PRKN: variants seen among roughly 807,000 people sequenced by gnomAD.
PRKN encodes E3 ubiquitin-protein ligase parkin.
PRKN carries 56 observed loss-of-function variants against 59.5 expected under a neutral mutation model. That is an observed-to-expected ratio of 0.94 (90% CI 0.76 to 1.18). PRKN has a LOEUF of 1.18. Among genes scored for constraint, PRKN ranks in the 50% most tolerant of loss-of-function variants. PRKN has a pLI of 0.00. For missense variants in PRKN, 657 were observed against 596.4 expected (o/e 1.10, Z -1.06); for synonymous variants, 250 against 222.1 (o/e 1.13, Z -1.12).
intron 3 of PRKN, among the ~76,000 whole-genome samples, chr6:162,247,188 A>T (rs1779235468): frequency 6.6e-6 from 1 of 152,170 alleles, no homozygotes; most frequent in Non-Finnish European, 1.5e-5. Context: ...TTCTTTGTGA[A>T]ATCAAAGATC....
intron 5 of PRKN, among the ~76,000 whole-genome samples, chr6:161,996,685 C>A (rs1473830881): frequency 2.0e-5 from 3 of 151,850 alleles, no homozygotes; most frequent in Non-Finnish European, 4.4e-5. Context: ...TATTTCAATA[C>A]TTTTATATTT....
chr6:161,981,768 T>A (rs1041598756), intron 5 of PRKN, among the ~76,000 whole-genome samples: 1 of 152,210 alleles, frequency 6.6e-6, no homozygotes, highest in African/African-American at 2.4e-5. Flanking sequence ...ATATAATAAA[T>A]GTACACTTTG....
chr6:161,939,967 C>T (rs553857353), intron 6 of PRKN, among the ~76,000 whole-genome samples: 136 of 151,670 alleles, frequency 9.0e-4, no homozygotes, highest in African/African-American at 3.1e-3. Context: ...GGCGCCATCT[C>T]GGCTCACCGC....
intron 2 of PRKN, among the ~76,000 whole-genome samples, chr6:162,368,186 GAACAGGGAATCACTCT>G (rs1386027591): frequency 1.3e-5 from 2 of 152,168 alleles, no homozygotes; most frequent in East Asian, 3.9e-4. Flanking sequence ...AGGGTTGGGA[GAACAGGGAATCACTCT>G]CACACCCAAG....
At chr6:162,386,346 T>C (rs1321952738) in intron 2 of PRKN, among the ~76,000 whole-genome samples, 2 of 152,248 alleles carry the variant, frequency 1.3e-5, no homozygotes, top group Non-Finnish European at 2.9e-5. Flanking sequence ...AGTTTAAAAG[T>C]ATATTTATAC....
intron 6 of PRKN, among the ~76,000 whole-genome samples, chr6:161,874,815 T>C (rs1794624471): frequency 9.5e-6 from 1 of 105,724 alleles, no homozygotes. Flanking sequence ...ATATATAAAA[T>C]GTATAATATA....
intron 9 of PRKN, among the ~76,000 whole-genome samples, chr6:161,392,400 G>T (rs1437667937): frequency 6.6e-6 from 1 of 151,522 alleles, no homozygotes; most frequent in Non-Finnish European, 1.5e-5. Context: ...AAAAGAAAAA[G>T]AAAAAATTTA....
chr6:162,284,428 T>G (rs572182503), intron 2 of PRKN, among the ~76,000 whole-genome samples: 1 of 152,104 alleles, frequency 6.6e-6, no homozygotes, highest in South Asian at 2.1e-4. Flanking sequence ...TTCTCCATGT[T>G]GGTCAGGCTG....
rs554534551 is a variant in PRKN at position 161,579,283 on chromosome 6, A to C, written c.872-9867T>G. Among the ~76,000 whole-genome samples the C allele has an allele frequency of 6.6e-6, 1 of 152,314 alleles. No individual in the cohort carries two copies. The highest frequency in any genetic ancestry group is 2.4e-5 in the African/African-American group (1 of 41,566). On this transcript the variant is annotated intron_variant, in intron 7 of 11. Coordinates refer to ENST00000366898, the MANE Select transcript of PRKN (RefSeq NM_004562.3). The surrounding 1 kb of genome is among the most constrained non-coding windows in gnomAD (Gnocchi z 4.2). ...AGAATCTGTGGGACTGTCATCCCCC[A>C]AGTGGGTGTAACCAAAAAGGGCACT...
At chr6:162,305,843 TATAG>T (rs1562656109) in intron 2 of PRKN, among the ~76,000 whole-genome samples, 1 of 152,130 alleles carries the variant, frequency 6.6e-6, no homozygotes, top group Non-Finnish European at 1.5e-5. Flanking sequence ...ACATTTATCA[TATAG>T]ATACACCTAT....
chr6:162,493,580 T>C (rs951480746), intron 1 of PRKN, among the ~76,000 whole-genome samples: 2 of 152,176 alleles, frequency 1.3e-5, no homozygotes, highest in African/African-American at 4.8e-5. Context: ...ATAATCAGCT[T>C]ATAACTAAGA....
intron 3 of PRKN, among the ~76,000 whole-genome samples, chr6:162,250,843 A>G (rs1779404212): frequency 6.6e-6 from 1 of 152,086 alleles, no homozygotes; most frequent in Admixed American, 6.6e-5. Flanking sequence ...TTAATTATCA[A>G]TTTCCTGAGT....
chr6:162,711,838 C>A (rs1305633418), intron 1 of PRKN, among the ~76,000 whole-genome samples: 1 of 152,188 alleles, frequency 6.6e-6, no homozygotes, highest in East Asian at 1.9e-4. Flanking sequence ...CCAAGAGGGG[C>A]AAGTCATTGC....
At chr6:162,038,218 A>C (rs1783921768) in intron 5 of PRKN, among the ~76,000 whole-genome samples, 1 of 152,086 alleles carries the variant, frequency 6.6e-6, no homozygotes. Context: ...TTTGGTACAA[A>C]GTTATTGTCA....
chr6:162,174,141 T>G (rs1438295063), intron 4 of PRKN, among the ~76,000 whole-genome samples: 1 of 152,156 alleles, frequency 6.6e-6, no homozygotes, highest in Non-Finnish European at 1.5e-5. Context: ...TGTATACAGT[T>G]TAAAGGTAGA....
intron 6 of PRKN, among the ~76,000 whole-genome samples, chr6:161,839,261 G>A (rs1792885747): frequency 6.6e-6 from 1 of 152,150 alleles, no homozygotes; most frequent in Admixed American, 6.5e-5. Context: ...CGGACACTGA[G>A]ACAAGAAACC....
intron 6 of PRKN, among the ~76,000 whole-genome samples, chr6:161,958,396 A>G (rs1179784033): frequency 6.6e-6 from 1 of 152,176 alleles, no homozygotes; most frequent in African/African-American, 2.4e-5. Context: ...CATTTTGACT[A>G]TTTGAATGTT....
intron 2 of PRKN, among the ~76,000 whole-genome samples, chr6:162,325,165 T>G (rs919942804): frequency 8.9e-6 from 1 of 112,842 alleles, no homozygotes; most frequent in African/African-American, 3.1e-5. Context: ...CCACAGCTCC[T>G]GGAAGACTTC....
rs11759523 is a variant in PRKN, at chr6:161,560,502, C to T, written c.933+8853G>A. ...CCCTCATTCTTGAAGACTGTAGCTT[C>T]AGGCTGTTCTCACCTTTTCTCCGAT... is the stretch of plus-strand genomic sequence containing the variant. On this transcript the variant is annotated intron_variant, in intron 8 of 11. Coordinates refer to ENST00000366898, the MANE Select transcript of PRKN (RefSeq NM_004562.3). This position sits in a 1 kb window ranked among gnomAD's most constrained non-coding sequence, Gnocchi z 4.9. Among the ~76,000 whole-genome samples, 48,553 of 151,968 alleles carry T rather than the reference C, an allele frequency of 0.32. 7,972 individuals carry two copies. The highest frequency in any genetic ancestry group is 0.42 in the Middle Eastern group (124 of 294).
Sources: gnomAD v4.1 joint callset for allele counts (sites outside exome capture counted in the v4.1 genomes callset) on GRCh38, gnomAD v4.1.1 for gene constraint, Gnocchi (gnomAD v3.1) non-coding constraint, MANE v1.5 for transcripts, NCBI Gene and HGNC (gene_info 2026-07-23, HGNC 2026-07-21) for gene names.